AKAP12: variants seen among roughly 807,000 people sequenced by gnomAD.
AKAP12 encodes the protein A-kinase anchoring protein 12, also known as A-kinase anchor protein 12.
In AKAP12, 32 loss-of-function variants were observed where a neutral mutation model predicts 79.9. The observed-to-expected ratio is 0.40, with a 90% CI of 0.30 to 0.54. The LOEUF is 0.54. Ranked by LOEUF, AKAP12 falls within the 20% of genes least tolerant of loss-of-function variation. The pLI, the probability that AKAP12 is intolerant of heterozygous loss-of-function variation, is 0.48. For missense variants in AKAP12, 2,074 were observed against 2,177.0 expected, an observed-to-expected ratio of 0.95 and a Z score of 0.94; for synonymous variants, 808 against 857.0, an observed-to-expected ratio of 0.94 and a Z score of 1.00.
chr6:151,340,134 C>T (rs1777911717), intron 3 of AKAP12, among the ~76,000 whole-genome samples: 1 of 151,770 alleles, frequency 6.6e-6, no homozygotes, highest in Non-Finnish European at 1.5e-5. Flanking sequence ...GGGGTTTCAC[C>T]ATCTTGGCCA....
intron 3 of AKAP12, among the ~76,000 whole-genome samples, chr6:151,326,263 T>G (rs1355396584): frequency 1.3e-5 from 2 of 152,182 alleles, no homozygotes; most frequent in African/African-American, 4.8e-5. Flanking sequence ...GAAAATAAGC[T>G]GTGAAAGCTT....
At chr6:151,295,583 C>G (rs1252734484) in intron 2 of AKAP12, among the ~76,000 whole-genome samples, 1 of 152,152 alleles carries the variant, frequency 6.6e-6, no homozygotes, top group African/African-American at 2.4e-5. Context: ...ATTTCAAACA[C>G]AAGATAAAAT....
intron 3 of AKAP12, among the ~76,000 whole-genome samples, chr6:151,338,928 C>T (rs1448298917): frequency 6.6e-6 from 1 of 152,232 alleles, no homozygotes; most frequent in African/African-American, 2.4e-5. Context: ...AATATCCTCT[C>T]CTCTCCTCCA....
At position 151,353,407 on chromosome 6, in the gene AKAP12, A is replaced by T. The variant is rs1778354000; in HGVS notation, c.5016A>T (p.Thr1672=). The T allele has an allele frequency of 3.1e-6, 5 of 1,614,232 alleles. No individual in the cohort carries two copies. The highest frequency in any genetic ancestry group is 4.2e-6 in the Non-Finnish European group (5 of 1,180,040). Residue 1672 remains threonine, a synonymous_variant, in exon 4 of 5, where the codon ACA becomes ACT. Transcript: ENST00000402676. ...AGGAAGAGGGAGGTGGAGCTGGAAC[A>T]AAGTCTGTGCCAGAAGATGATGGTC... ...PSEEEGGGAG[T]KSVPEDDGHA...
chr6:151,281,189 A>C (rs1776400530), intron 2 of AKAP12, among the ~76,000 whole-genome samples: 1 of 152,164 alleles, frequency 6.6e-6, no homozygotes, highest in Non-Finnish European at 1.5e-5. Context: ...ACATTAGATA[A>C]GTGACTTAAC....
intron 2 of AKAP12, among the ~76,000 whole-genome samples, chr6:151,288,068 G>T (rs1776541374): frequency 6.6e-6 from 1 of 151,794 alleles, no homozygotes; most frequent in South Asian, 2.1e-4. Context: ...CTGTTGGGGA[G>T]TGGGGGGCTA....
intron 2 of AKAP12, among the ~76,000 whole-genome samples, chr6:151,246,491 T>G (rs535960725): frequency 6.6e-6 from 1 of 152,352 alleles, no homozygotes; most frequent in Non-Finnish European, 1.5e-5. Context: ...TTCTACCACT[T>G]TGCAGTTCCA....
Position 151,353,557 on chromosome 6 carries a change from C to G in AKAP12, c.5166C>G (p.Gly1722=), listed in dbSNP as rs756868774. ...TGGCTGATACTGATGCCTCAGGAGG[C>G]TTAACCAAAGAGTCCCCAGATACAA... ...SALADTDASG[G]LTKESPDTNG... The change falls in exon 4 of 5, where the codon GGC becomes GGG. Residue 1722 remains glycine (G), a synonymous_variant. Coordinates refer to ENST00000402676, the MANE Select transcript of AKAP12 (RefSeq NM_005100.4). 1 of 1,613,944 alleles carries G rather than the reference C, an allele frequency of 6.2e-7. No homozygotes were observed. Among genetic ancestry groups the G allele is most frequent in the Non-Finnish European group, 8.5e-7 (1 of 1,180,000 alleles).
chr6:151,334,870 G>C (rs1777773113), intron 3 of AKAP12, among the ~76,000 whole-genome samples: 1 of 152,028 alleles, frequency 6.6e-6, no homozygotes, highest in Non-Finnish European at 1.5e-5. Flanking sequence ...TGATCTGCCC[G>C]CCTCGGCCTC....
intron 3 of AKAP12, among the ~76,000 whole-genome samples, chr6:151,321,751 G>A (rs547355061): frequency 5.9e-5 from 9 of 152,040 alleles, no homozygotes; most frequent in South Asian, 2.1e-4. Context: ...ACATTCTGAG[G>A]AACTACCAGC....
intron 2 of AKAP12, among the ~76,000 whole-genome samples, chr6:151,269,869 ACT>A (rs1176244357): frequency 4.6e-5 from 7 of 152,048 alleles, no homozygotes; most frequent in Non-Finnish European, 1.0e-4. Context: ...AGTAGCCGTC[ACT>A]CTGCATTTCC....
chr6:151,339,314 C>A (rs1777890331), intron 3 of AKAP12, among the ~76,000 whole-genome samples: 1 of 152,160 alleles, frequency 6.6e-6, no homozygotes, highest in Admixed American at 6.5e-5. Context: ...GTGTATTTTG[C>A]TCCTTTAGTG....
chr6:151,348,684 C>CCT (rs1562751582), intron 3 of AKAP12, 27 bp from the exon 4 acceptor site: 2 of 243,560 alleles, frequency 8.2e-6, no homozygotes, highest in South Asian at 9.4e-5. Context: ...CTCTTCTCCC[C>CCT]ACCCCCCCGC....
chr6:151,316,528 C>G (rs1562735233), intron 3 of AKAP12, among the ~76,000 whole-genome samples: 1 of 151,244 alleles, frequency 6.6e-6, no homozygotes, highest in Non-Finnish European at 1.5e-5. Flanking sequence ...CTCCTGAGGC[C>G]TCTCTCTTTT....
At chr6:151,342,569 A>C (rs1480924578) in intron 3 of AKAP12, among the ~76,000 whole-genome samples, 1 of 152,210 alleles carries the variant, frequency 6.6e-6, no homozygotes, top group Non-Finnish European at 1.5e-5. Context: ...AGCACAAAGC[A>C]TGGAGGCGCC....
chr6:151,312,680 C>T (rs537432835), intron 3 of AKAP12, among the ~76,000 whole-genome samples: 42 of 150,340 alleles, frequency 2.8e-4, no homozygotes, highest in Middle Eastern at 3.5e-3. Context: ...TAGTCCCAGC[C>T]ACTTGGGAGG....
chr6:151,352,154 G>C lies in AKAP12; in HGVS notation c.3763G>C (p.Val1255Leu). 1 of 1,614,158 alleles carries C rather than the reference G, an allele frequency of 6.2e-7. No individual in the cohort carries two copies. Among genetic ancestry groups the C allele is most frequent in the Non-Finnish European group, 8.5e-7 (1 of 1,180,022 alleles). Residue 1255 changes from valine to leucine, a missense_variant, in exon 4 of 5, where the codon GTA (valine) becomes CTA (leucine). Physicochemically the swap from Val to Leu is conservative, Grantham distance 32. Transcript: ENST00000402676. ...HTDKEVSVETVSILSKTEGTQ... is the reference protein window; with the variant it reads ...HTDKEVSVETLSILSKTEGTQ... The stretch of plus-strand genomic sequence containing the variant: ...AGATAAAGAGGTGTCAGTGGAAACT[G>C]TATCCATTCTGTCAAAGACTGAGGG...
At chr6:151,307,224 G>A (rs569368740) in intron 3 of AKAP12, among the ~76,000 whole-genome samples, 3 of 152,186 alleles carry the variant, frequency 2.0e-5, no homozygotes, top group Admixed American at 6.5e-5. Flanking sequence ...CCTTTTGTGC[G>A]TTATCACCTT....
chr6:151,318,098 A>T (rs1219575040), intron 3 of AKAP12, among the ~76,000 whole-genome samples: 1 of 152,130 alleles, frequency 6.6e-6, no homozygotes, highest in East Asian at 1.9e-4. Context: ...TTGGAGGGAA[A>T]GCCTTTGTGA....
Sources: gnomAD v4.1 joint callset for allele counts (sites outside exome capture counted in the v4.1 genomes callset) on GRCh38, gnomAD v4.1.1 for gene constraint, MANE v1.5 for transcripts, NCBI Gene and HGNC (gene_info 2026-07-23, HGNC 2026-07-21) for gene names.